CTNNA2: variants seen among roughly 807,000 people sequenced by gnomAD.
The protein encoded by CTNNA2 is catenin alpha-2.
Under a neutral mutation model 101.0 loss-of-function variants are expected in CTNNA2, and 42 were observed. The ratio of observed to expected loss-of-function variants is 0.42; its 90% CI spans 0.32 to 0.54. The LOEUF (loss-of-function observed/expected upper bound fraction) is 0.54. Ranked by LOEUF, CTNNA2 falls within the 20% of genes least tolerant of loss-of-function variation. The pLI is 0.14. For synonymous variants in CTNNA2, 450 were observed against 456.4 expected (o/e 0.99, Z 0.18); for missense variants, 871 against 1,223.1 (o/e 0.71, Z 4.29).
intron 7 of CTNNA2, among the ~76,000 whole-genome samples, chr2:80,112,274 A>C (rs1701262785): frequency 6.6e-6 from 1 of 152,228 alleles, no homozygotes; most frequent in African/African-American, 2.4e-5. Context: ...GTGAAATTAT[A>C]TTAAATTGAA....
intron 4 of CTNNA2, among the ~76,000 whole-genome samples, chr2:79,413,140 T>C (rs1395308276): frequency 2.6e-5 from 4 of 151,990 alleles, no homozygotes; most frequent in Admixed American, 2.6e-4. Context: ...GAGAGGTGTT[T>C]ATTATCATTG....
intron 14 of CTNNA2, among the ~76,000 whole-genome samples, chr2:80,582,860 A>G (rs3770336): frequency 0.36 from 55,463 of 151,990 alleles, 10,317 homozygotes; most frequent in East Asian, 0.57. Context: ...AAAGAAAAAT[A>G]ATCAGAGGTT....
intron 6 of CTNNA2, among the ~76,000 whole-genome samples, chr2:79,892,188 T>A (rs1684358047): frequency 6.6e-6 from 1 of 152,180 alleles, no homozygotes; most frequent in South Asian, 2.1e-4. Flanking sequence ...AGAGAATATT[T>A]CTTTGATTCT....
At chr2:79,447,495 G>A (rs1320566786) in intron 4 of CTNNA2, among the ~76,000 whole-genome samples, 4 of 152,124 alleles carry the variant, frequency 2.6e-5, no homozygotes, top group Non-Finnish European at 4.4e-5. Flanking sequence ...TGTGAAGGAG[G>A]TGTCCAGCCA....
intron 12 of CTNNA2, among the ~76,000 whole-genome samples, chr2:80,561,443 A>C (rs964741622): frequency 1.3e-5 from 2 of 152,206 alleles, no homozygotes; most frequent in African/African-American, 4.8e-5. Flanking sequence ...TTTTCCTAAA[A>C]GCAAATGCAA....
chr2:79,372,120 G>A (rs1677885888), intron 3 of CTNNA2, among the ~76,000 whole-genome samples: 1 of 152,060 alleles, frequency 6.6e-6, no homozygotes. Context: ...CCTGAGGTGA[G>A]GCCTCAGCAG....
At chr2:79,485,023 G>A (rs577285554) in intron 4 of CTNNA2, among the ~76,000 whole-genome samples, 2 of 152,052 alleles carry the variant, frequency 1.3e-5, no homozygotes, top group Admixed American at 6.6e-5. Context: ...AAATAAAACA[G>A]ATATACCATA....
At chr2:80,608,148 C>A (rs765505553) in intron 16 of CTNNA2, 36 bp from the exon 17 acceptor site, 1 of 1,576,078 alleles carries the variant, frequency 6.3e-7, no homozygotes, top group Non-Finnish European at 8.7e-7. Context: ...CTGAAGAGTA[C>A]TTACTAATCA....
chr2:80,033,591 A>T (rs781023804), intron 7 of CTNNA2, among the ~76,000 whole-genome samples: 8 of 152,154 alleles, frequency 5.3e-5, no homozygotes, highest in African/African-American at 1.9e-4. Flanking sequence ...AAAAACAAAA[A>T]CAAAAAACAC....
intron 2 of CTNNA2, among the ~76,000 whole-genome samples, chr2:79,273,663 C>A (rs958893282): frequency 6.6e-6 from 1 of 152,046 alleles, no homozygotes; most frequent in Non-Finnish European, 1.5e-5. Context: ...ATGATTCAGA[C>A]AATTCTGATG....
chr2:80,578,897 G>T (rs924797031), intron 13 of CTNNA2: 10 of 151,014 alleles, frequency 6.6e-5, no homozygotes, highest in African/African-American at 2.5e-4. Context: ...TATTATTGCT[G>T]TTGTTGTTAT....
chr2:79,816,386 T>C (rs1574043631), intron 3 of CTNNA2, among the ~76,000 whole-genome samples: 1 of 152,154 alleles, frequency 6.6e-6, no homozygotes, highest in Non-Finnish European at 1.5e-5. Context: ...ATGTTGGCTG[T>C]GGGTTTGTCA....
intron 8 of CTNNA2, among the ~76,000 whole-genome samples, chr2:80,397,256 T>C (rs933237947): frequency 2.6e-5 from 4 of 152,176 alleles, no homozygotes; most frequent in African/African-American, 9.7e-5. Flanking sequence ...AACCCACTTG[T>C]ATTAAGTCTT....
rs575702305 is a variant in CTNNA2 at position 79,596,304 on chromosome 2, G to T, written c.-5-55248G>T. 4.6e-5 allele frequency among the ~76,000 whole-genome samples: 7 copies of T among 152,088 alleles called. No individual in the cohort carries two copies. The South Asian group carries it at 1.5e-3, about 32-fold the overall frequency. On this transcript the variant is annotated intron_variant, in intron 1 of 18. Coordinates refer to ENST00000402739, the MANE Select transcript of CTNNA2 (RefSeq NM_001282597.3). ...ACAGGAGATAGTTTGTCTCATTGGAGCTCAGAGTCAAGGTAGGGAAAATGG... is the reference window on the plus strand; with the variant it reads ...ACAGGAGATAGTTTGTCTCATTGGATCTCAGAGTCAAGGTAGGGAAAATGG...
At chr2:79,272,619 G>A (rs148209269) in intron 2 of CTNNA2, among the ~76,000 whole-genome samples, 3 of 151,976 alleles carry the variant, frequency 2.0e-5, no homozygotes, top group Non-Finnish European at 4.4e-5. Flanking sequence ...TTAGATAAAA[G>A]ATTCTTGAGA....
intron 9 of CTNNA2, among the ~76,000 whole-genome samples, chr2:80,540,421 A>G (rs530366029): frequency 6.6e-6 from 1 of 152,004 alleles, no homozygotes; most frequent in East Asian, 1.9e-4. Context: ...GCATGGTGAA[A>G]CCCCATCTCT....
At chr2:79,300,750 A>G (rs1434184097) in intron 2 of CTNNA2, among the ~76,000 whole-genome samples, 2 of 152,130 alleles carry the variant, frequency 1.3e-5, no homozygotes, top group South Asian at 2.1e-4. Context: ...ATACTCTTCT[A>G]TTTGGTCTTT....
intron 2 of CTNNA2, among the ~76,000 whole-genome samples, chr2:79,690,816 A>T (rs778694147): frequency 6.6e-6 from 1 of 151,938 alleles, no homozygotes; most frequent in Non-Finnish European, 1.5e-5. Flanking sequence ...TCTTGAATTT[A>T]TACAGTAGGT....
chr2:79,186,972 C>A (rs898727811), intron 1 of CTNNA2, among the ~76,000 whole-genome samples: 3 of 152,162 alleles, frequency 2.0e-5, no homozygotes, highest in Non-Finnish European at 4.4e-5. Context: ...CTCTTTTATA[C>A]AATGCAACCT....
Sources: allele counts gnomAD v4.1 joint callset (sites outside exome capture counted in the v4.1 genomes callset), GRCh38; gene constraint gnomAD v4.1.1; transcripts MANE v1.5; gene names NCBI Gene and HGNC (gene_info 2026-07-23, HGNC 2026-07-21).